The following ISM1 variants were observed in gnomAD, a reference collection of about 807,000 sequenced individuals.
ISM1 encodes the protein isthmin-1.
In ISM1, 25 loss-of-function variants were observed where a neutral mutation model predicts 46.3. The ratio of observed to expected loss-of-function variants is 0.54; its 90% CI spans 0.39 to 0.75. ISM1 has a LOEUF of 0.75. ISM1 is among the 30% of genes least tolerant of loss of function. The pLI is 0.00. For synonymous variants in ISM1, 255 were observed against 256.7 expected (o/e 0.99, Z 0.06); for missense variants, 536 against 625.4 (o/e 0.86, Z 1.52).
intron 1 of ISM1, among the ~76,000 whole-genome samples, chr20:13,265,981 A>C (rs2040038617): frequency 6.6e-6 from 1 of 152,144 alleles, no homozygotes; most frequent in Non-Finnish European, 1.5e-5. Flanking sequence ...GCCTCATTTC[A>C]CGTCAAGCCT....
chr20:13,225,493 T>G (rs1019922725), intron 1 of ISM1, among the ~76,000 whole-genome samples: 1 of 152,228 alleles, frequency 6.6e-6, no homozygotes, highest in African/African-American at 2.4e-5. Flanking sequence ...TATCTAACTT[T>G]TTTTGTAGTT....
intron 3 of ISM1, among the ~76,000 whole-genome samples, chr20:13,284,861 T>A (rs1600552320): frequency 6.6e-6 from 1 of 152,340 alleles, no homozygotes; most frequent in South Asian, 2.1e-4. Flanking sequence ...GCATTTAAAA[T>A]AAAGATGTGG....
intron 1 of ISM1, among the ~76,000 whole-genome samples, chr20:13,228,209 G>T (rs2039550597): frequency 6.6e-6 from 1 of 151,382 alleles, no homozygotes; most frequent in Non-Finnish European, 1.5e-5. Flanking sequence ...TTCATCTCAG[G>T]TGATCTGCCC....
chr20:13,312,953 A>G, the ISM1 span, among the ~76,000 whole-genome samples: 1 of 152,000 alleles, frequency 6.6e-6, no homozygotes, highest in Non-Finnish European at 1.5e-5. Context: ...CCTTACCTAC[A>G]CCAAAGGAGC....
intron 5 of ISM1, among the ~76,000 whole-genome samples, chr20:13,297,131 G>A (rs530890416): frequency 4.6e-5 from 7 of 152,190 alleles, no homozygotes; most frequent in East Asian, 1.9e-4. Flanking sequence ...CTTGTCACAG[G>A]TGAACAAAGC....
chr20:13,278,544 G>C (rs1158395929), intron 2 of ISM1, among the ~76,000 whole-genome samples: 3 of 152,180 alleles, frequency 2.0e-5, no homozygotes, highest in African/African-American at 7.2e-5. Flanking sequence ...CAAAGTTAGG[G>C]ACAGCATGGG....
chr20:13,311,255 A>AGATAGAT, the ISM1 span, among the ~76,000 whole-genome samples: 436 of 132,570 alleles, frequency 3.3e-3, 3 homozygotes, highest in African/African-American at 0.011. Flanking sequence ...ATAGATAGAT[A>AGATAGAT]GATAGATAGA....
At chr20:13,319,084 T>C in the ISM1 span, among the ~76,000 whole-genome samples, 2 of 152,188 alleles carry the variant, frequency 1.3e-5, no homozygotes, top group Non-Finnish European at 2.9e-5. Context: ...TAGTGGAAGA[T>C]GTCGATAGTC....
intron 3 of ISM1, among the ~76,000 whole-genome samples, chr20:13,287,494 C>A (rs559665326): frequency 6.6e-6 from 1 of 152,310 alleles, no homozygotes; most frequent in African/African-American, 2.4e-5. Context: ...ACCACCCTCT[C>A]CCACACCTCT....
the ISM1 span, among the ~76,000 whole-genome samples, chr20:13,324,125 C>T: frequency 1.3e-5 from 2 of 152,262 alleles, no homozygotes; most frequent in East Asian, 3.9e-4. Flanking sequence ...AGGTACTATC[C>T]CTGGGACCTA....
chr20:13,323,275 G>A, the ISM1 span, among the ~76,000 whole-genome samples: 1 of 152,296 alleles, frequency 6.6e-6, no homozygotes, highest in South Asian at 2.1e-4. Context: ...ACAGGGGCTT[G>A]AGAAGACTAG....
chr20:13,298,577 T>C (rs1436580088), intron 5 of ISM1, among the ~76,000 whole-genome samples: 1 of 152,182 alleles, frequency 6.6e-6, no homozygotes, highest in Non-Finnish European at 1.5e-5. Flanking sequence ...TTTTAAAAGA[T>C]AAAACAAATA....
the ISM1 span, among the ~76,000 whole-genome samples, chr20:13,312,932 C>T: frequency 1.3e-5 from 2 of 152,154 alleles, no homozygotes; most frequent in Admixed American, 6.5e-5. Context: ...TCTTTTGTTC[C>T]CTCTGCTTCA....
At chr20:13,291,669 A>G (rs1362801237) in intron 4 of ISM1, among the ~76,000 whole-genome samples, 3 of 152,200 alleles carry the variant, frequency 2.0e-5, no homozygotes, top group Non-Finnish European at 2.9e-5. Context: ...AGTTCCTCAG[A>G]GCAAATTATG....
the ISM1 span, among the ~76,000 whole-genome samples, chr20:13,308,557 G>A: frequency 6.6e-6 from 1 of 151,960 alleles, no homozygotes; most frequent in African/African-American, 2.4e-5. Flanking sequence ...GTCAAAAAGT[G>A]GAAACAGTTT....
intron 1 of ISM1, among the ~76,000 whole-genome samples, chr20:13,267,269 C>T (rs908039412): frequency 2.6e-5 from 4 of 152,170 alleles, no homozygotes; most frequent in Non-Finnish European, 5.9e-5. Flanking sequence ...TATTACTTCC[C>T]ATCTTCCAAA....
rs1365591875 is a variant in ISM1, at chr20:13,272,176, G to A, written c.378+1433G>A. ...GACCAAATGCCAATTTGCTTACATA[G>A]CAGAAAGTTCCTGAACTTGGACTCA... On this transcript the variant is annotated intron_variant, in intron 2 of 5. Transcript: ENST00000262487. Among the ~76,000 whole-genome samples the A allele has an allele frequency of 2.0e-5, 3 of 152,096 alleles. No individual in the cohort carries two copies. The East Asian group carries it at 5.8e-4, about 29-fold the overall frequency.
chr20:13,268,131 CTT>C (rs2040064823), intron 1 of ISM1, among the ~76,000 whole-genome samples: 3 of 149,948 alleles, frequency 2.0e-5, no homozygotes, highest in African/African-American at 7.4e-5. Context: ...CTTCTCTTCT[CTT>C]CTCTTCTCTT....
chr20:13,235,966 C>T (rs1389345355), intron 1 of ISM1, among the ~76,000 whole-genome samples: 1 of 150,948 alleles, frequency 6.6e-6, no homozygotes, highest in Non-Finnish European at 1.5e-5. Flanking sequence ...ATTGTGTCAC[C>T]CAGGCTGGAG....
Sources: gnomAD v4.1 joint callset for allele counts (sites outside exome capture counted in the v4.1 genomes callset) on GRCh38, gnomAD v4.1.1 for gene constraint, MANE v1.5 for transcripts, NCBI Gene and HGNC (gene_info 2026-07-23, HGNC 2026-07-21) for gene names.